Variants in C8orf74 observed in about 807,000 individuals in gnomAD.
C8orf74 encodes uncharacterized protein C8orf74.
A neutral mutation model predicts 22.2 loss-of-function variants in C8orf74; 29 were observed. The observed-to-expected ratio is 1.31, with a 90% CI of 0.97 to 1.78. C8orf74 has a LOEUF of 1.78. Among genes scored for constraint, C8orf74 ranks in the 40% most tolerant of loss-of-function variants. The pLI, the probability that C8orf74 is intolerant of heterozygous loss-of-function variation, is 0.00. For missense variants in C8orf74, 515 were observed against 369.9 expected (o/e 1.39, Z -3.22); for synonymous variants, 255 against 163.1 (o/e 1.56, Z -4.30).
At chr8:10,686,081 A>C (rs551065399) in intron 2 of C8orf74, among the ~76,000 whole-genome samples, 1 of 152,358 alleles carries the variant, frequency 6.6e-6, no homozygotes, top group East Asian at 1.9e-4. Flanking sequence ...AAAGAAAAAG[A>C]AAGGAAGTAG....
Position 10,700,335 on chromosome 8 carries a change from T to C in C8orf74, c.749T>C (p.Leu250Pro). Residue 250 changes from leucine to proline, a missense_variant, in exon 4 of 4, where the codon CTG becomes CCG. Transcript: ENST00000304519. ...CAGAACACATTCGCCATCTTGGACCTGAAGCTTCAGAAGAAGACTCTGAAC... is the reference window on the plus strand; with the variant it reads ...CAGAACACATTCGCCATCTTGGACCCGAAGCTTCAGAAGAAGACTCTGAAC... ...QIQNTFAILD[L>P]KLQKKTLNLN... 1.9e-6 allele frequency: 3 copies of C among 1,613,748 alleles called. No homozygotes were observed. Among genetic ancestry groups the C allele is most frequent in the Non-Finnish European group, 2.5e-6 (3 of 1,179,762 alleles).
At chr8:10,681,814 A>T (rs188058589) in intron 2 of C8orf74, among the ~76,000 whole-genome samples, 344 of 152,300 alleles carry the variant, frequency 2.3e-3, no homozygotes, top group African/African-American at 6.5e-3. Context: ...GTGACCGGTC[A>T]GTGGAGGCAC....
chr8:10,681,696 G>T (rs1049404971), intron 2 of C8orf74, among the ~76,000 whole-genome samples: 1 of 152,178 alleles, frequency 6.6e-6, no homozygotes, highest in African/African-American at 2.4e-5. Context: ...ATCATCACGC[G>T]TGGCAGGCAC....
At position 10,697,715 on chromosome 8, in the gene C8orf74, C is replaced by T. The variant is rs923172574; in HGVS notation, c.358C>T (p.Arg120Cys). 16 of 1,613,922 alleles carry T rather than the reference C, an allele frequency of 9.9e-6. No individual in the cohort carries two copies. The highest frequency in any genetic ancestry group is 9.3e-5 in the African/African-American group (7 of 74,944). ...TGACTACTTCCACCACACCTTCATC[C>T]GCCACTACAAACTCTACCAGTATGT... Reference protein sequence around the residue: ...LCDYFHHTFIRHYKLYQYVLG... With the variant: ...LCDYFHHTFICHYKLYQYVLG... The change falls in exon 3 of 4, where the codon CGC becomes TGC. Residue 120 changes from arginine to cysteine, a missense_variant. Physicochemically the swap from Arg to Cys is radical, Grantham distance 180. Coordinates refer to ENST00000304519, the MANE Select transcript of C8orf74 (RefSeq NM_001040032.2).
rs757710005 is a variant in C8orf74 at position 10,700,388 on chromosome 8, C to T, written c.802C>T (p.Pro268Ser). The change falls in exon 4 of 4, where the codon CCC (proline) becomes TCC (serine). Residue 268 changes from proline to serine, a missense_variant. Pro to Ser is a moderately conservative substitution (Grantham distance 74, BLOSUM62 -1). Coordinates refer to ENST00000304519, the MANE Select transcript of C8orf74 (RefSeq NM_001040032.2). ...NLNAPTPIPP[P>S]ITSHAGQEEA... ...CAACGCCCCCACCCCTATCCCGCCC[C>T]CCATCACCAGCCACGCAGGCCAGGA... The T allele has an allele frequency of 1.4e-5, 22 of 1,613,138 alleles. No individual in the cohort carries two copies. The Admixed American group carries it at 3.3e-4, about 24-fold the overall frequency.
intron 2 of C8orf74, chr8:10,691,220 G>A (rs1194429569): frequency 6.3e-6 from 2 of 319,452 alleles, no homozygotes; most frequent in Non-Finnish European, 1.3e-5. Context: ...CACTTGGTTT[G>A]TATGACCTCT....
Position 10,697,587 on chromosome 8 carries a change from C to T in C8orf74, c.242-12C>T. 6.2e-7 allele frequency: 1 copy of T among 1,609,450 alleles called. No individual in the cohort carries two copies. Among genetic ancestry groups the T allele is most frequent in the Non-Finnish European group, 8.5e-7 (1 of 1,177,478 alleles). ...CCCACTCCCACTCTGTTCTTGGCCC[C>T]TGTGCCTACAGGCTGCTCCATTACT... On this transcript the variant is annotated splice_polypyrimidine_tract_variant and intron_variant, in intron 2 of 3. Transcript: ENST00000304519.
intron 2 of C8orf74, chr8:10,688,827 G>A (rs1254430600): frequency 2.6e-5 from 4 of 152,276 alleles, no homozygotes; most frequent in Non-Finnish European, 5.9e-5. Context: ...ACCCTGAAGG[G>A]ACCACTTGTG....
intron 2 of C8orf74, among the ~76,000 whole-genome samples, chr8:10,696,199 G>A (rs897533810): frequency 2.0e-5 from 3 of 151,976 alleles, no homozygotes; most frequent in Non-Finnish European, 2.9e-5. Flanking sequence ...TGACCACTGT[G>A]CTGAGCACCT....
intron 3 of C8orf74, among the ~76,000 whole-genome samples, chr8:10,698,252 A>G (rs11995470): frequency 0.2 from 30,111 of 152,206 alleles, 8,717 homozygotes; most frequent in African/African-American, 0.64. Flanking sequence ...AAGCTAGCAT[A>G]TGGTAGAGTT....
At chr8:10,696,971 A>AAAG (rs1384491746) in intron 2 of C8orf74, among the ~76,000 whole-genome samples, 7 of 151,976 alleles carry the variant, frequency 4.6e-5, no homozygotes, top group African/African-American at 1.7e-4. Flanking sequence ...AAAAAAAAAA[A>AAAG]AAGACAAAAT....
At chr8:10,697,333 G>A (rs1344279955) in intron 2 of C8orf74, among the ~76,000 whole-genome samples, 1 of 152,210 alleles carries the variant, frequency 6.6e-6, no homozygotes, top group Non-Finnish European at 1.5e-5. Flanking sequence ...TACACAGGAG[G>A]CTGAGGCAGG....
At chr8:10,693,948 CCAA>C (rs1463474683) in intron 2 of C8orf74, among the ~76,000 whole-genome samples, 1 of 152,230 alleles carries the variant, frequency 6.6e-6, no homozygotes, top group Non-Finnish European at 1.5e-5. Context: ...CCTTTAGGTG[CCAA>C]CGACAACAAG....
chr8:10,680,069 T>C (rs918647773), intron 2 of C8orf74: 1 of 152,310 alleles, frequency 6.6e-6, no homozygotes, highest in Admixed American at 6.5e-5. Flanking sequence ...AGTGAATGAA[T>C]AAACTAATAA....
intron 2 of C8orf74, chr8:10,687,260 T>C: frequency 2.6e-6 from 1 of 379,112 alleles, no homozygotes; most frequent in Non-Finnish European, 5.4e-6. Context: ...TTTTATTGCC[T>C]CTATTTTACA....
chr8:10,699,533 C>G (rs1035891229), intron 3 of C8orf74, among the ~76,000 whole-genome samples: 2 of 152,204 alleles, frequency 1.3e-5, no homozygotes, highest in Admixed American at 1.3e-4. Flanking sequence ...TGTGGTTGCT[C>G]GGGCAAGGAA....
At chr8:10,696,811 G>C (rs972120184) in intron 2 of C8orf74, among the ~76,000 whole-genome samples, 2 of 152,018 alleles carry the variant, frequency 1.3e-5, no homozygotes, top group Non-Finnish European at 2.9e-5. Flanking sequence ...TAAAGAGTTA[G>C]AAGTAGAAAC....
chr8:10,695,815 T>C (rs772645887), intron 2 of C8orf74, among the ~76,000 whole-genome samples: 1 of 152,050 alleles, frequency 6.6e-6, no homozygotes, highest in Non-Finnish European at 1.5e-5. Flanking sequence ...ACAAGTCAGG[T>C]CCCCTACTTC....
intron 2 of C8orf74, among the ~76,000 whole-genome samples, chr8:10,695,229 C>G (rs139006309): frequency 5.9e-5 from 9 of 152,102 alleles, no homozygotes; most frequent in East Asian, 1.9e-4. Context: ...TTCCAACAAG[C>G]CTGTGAAGTC....
Sources: gnomAD v4.1 joint callset for allele counts (sites outside exome capture counted in the v4.1 genomes callset) on GRCh38, gnomAD v4.1.1 for gene constraint, MANE v1.5 for transcripts, NCBI Gene and HGNC (gene_info 2026-07-23, HGNC 2026-07-21) for gene names.